The following ANKRD44 variants were observed in gnomAD, a reference collection of about 807,000 sequenced individuals.
The protein encoded by ANKRD44 is serine/threonine-protein phosphatase 6 regulatory ankyrin repeat subunit B.
A neutral mutation model predicts 116.0 loss-of-function variants in ANKRD44; 35 were observed. That is an observed-to-expected ratio of 0.30 (90% CI 0.23 to 0.40). ANKRD44 has a LOEUF of 0.40. Among genes scored for constraint, ANKRD44 ranks in the 10% least tolerant of loss-of-function variants. ANKRD44 has a pLI of 1.00. For synonymous variants in ANKRD44, 435 were observed against 461.8 expected (o/e 0.94, Z 0.74); for missense variants, 1,014 against 1,242.6 (o/e 0.82, Z 2.77).
At chr2:196,991,860 G>C (rs1415674197) in intron 27 of ANKRD44, among the ~76,000 whole-genome samples, 2 of 151,924 alleles carry the variant, frequency 1.3e-5, no homozygotes, top group Non-Finnish European at 2.9e-5. Context: ...CCAAAGTCCT[G>C]GGATTAAAGG....
intron 16 of ANKRD44, among the ~76,000 whole-genome samples, chr2:197,048,328 A>G (rs955063728): frequency 1.3e-5 from 2 of 152,052 alleles, no homozygotes; most frequent in African/African-American, 4.8e-5. Context: ...TCCTAATGCT[A>G]TCCCTCCCCC....
At chr2:197,283,085 A>G (rs907038645) in intron 1 of ANKRD44, among the ~76,000 whole-genome samples, 3 of 152,180 alleles carry the variant, frequency 2.0e-5, no homozygotes, top group African/African-American at 7.2e-5. Flanking sequence ...ATAGATATGT[A>G]TGTTTGTATA....
chr2:197,227,334 G>A lies in ANKRD44; in HGVS notation c.28-40228C>T, dbSNP rs146522149. On this transcript the variant is annotated intron_variant, in intron 1 of 27. Transcript: ENST00000282272. ...CTTTGCTTTCAGCAATAGCTGGACC[G>A]AGGACTGCAGAATTAGAGCAGGGAC... is the stretch of plus-strand genomic sequence containing the variant. Among the ~76,000 whole-genome samples, 645 of 152,338 alleles carry A rather than the reference G, an allele frequency of 4.2e-3. 2 individuals carry two copies. Among genetic ancestry groups the A allele is most frequent in the African/African-American group, 0.015 (617 of 41,582 alleles).
chr2:197,244,177 G>A (rs1297430393), intron 1 of ANKRD44, among the ~76,000 whole-genome samples: 1 of 152,208 alleles, frequency 6.6e-6, no homozygotes, highest in African/African-American at 2.4e-5. Context: ...GGAAGCAGCT[G>A]CTACTAAAGT....
chr2:197,256,913 C>A (rs1456142594), intron 1 of ANKRD44, among the ~76,000 whole-genome samples: 1 of 152,022 alleles, frequency 6.6e-6, no homozygotes, highest in Admixed American at 6.6e-5. Context: ...AGATCAAAGA[C>A]CAAGTCTATA....
chr2:197,053,245 C>T (rs1489088520), intron 16 of ANKRD44, among the ~76,000 whole-genome samples: 4 of 152,028 alleles, frequency 2.6e-5, no homozygotes, highest in Non-Finnish European at 2.9e-5. Flanking sequence ...CATCCATTTG[C>T]GTACACAAGA....
At chr2:197,177,690 T>G (rs1032053145) in intron 2 of ANKRD44, among the ~76,000 whole-genome samples, 11 of 152,000 alleles carry the variant, frequency 7.2e-5, no homozygotes, top group Admixed American at 2.0e-4. Context: ...CATAAAGAAA[T>G]AAAGAAAAAG....
chr2:197,223,427 A>G (rs1440973869), intron 1 of ANKRD44, among the ~76,000 whole-genome samples: 1 of 152,216 alleles, frequency 6.6e-6, no homozygotes, highest in Admixed American at 6.5e-5. Context: ...CACCTTTTCC[A>G]TTCAACATTA....
At chr2:197,052,638 A>T (rs2077130022) in intron 16 of ANKRD44, among the ~76,000 whole-genome samples, 1 of 152,146 alleles carries the variant, frequency 6.6e-6, no homozygotes, top group Non-Finnish European at 1.5e-5. Context: ...CAGGGTGTAT[A>T]TAGCTCTGCC....
intron 1 of ANKRD44, among the ~76,000 whole-genome samples, chr2:197,240,593 G>A (rs963773954): frequency 3.3e-5 from 5 of 151,074 alleles, no homozygotes; most frequent in African/African-American, 1.2e-4. Context: ...AAAATTGCTA[G>A]AGATGCTTCC....
chr2:197,112,745 A>G (rs1386049405), intron 8 of ANKRD44, among the ~76,000 whole-genome samples: 1 of 151,520 alleles, frequency 6.6e-6, no homozygotes, highest in Admixed American at 6.6e-5. Flanking sequence ...AGAAAAAAAA[A>G]GAAAGAAAGA....
intron 7 of ANKRD44, among the ~76,000 whole-genome samples, chr2:197,121,745 G>A (rs1008970049): frequency 6.6e-6 from 1 of 152,210 alleles, no homozygotes; most frequent in Non-Finnish European, 1.5e-5. Flanking sequence ...AGTCAATGTG[G>A]CAAAAAATGA....
chr2:196,967,073 T>C (rs2075677231), exon 22 of ANKRD44: 2 of 154,602 alleles, frequency 1.3e-5, no homozygotes, highest in Non-Finnish European at 2.9e-5. Flanking sequence ...TTACCAATGA[T>C]AGGAACACAA....
At chr2:197,273,673 CAGATTCCCGAGGCAGCTGCCAGCTGG>C (rs2082963974) in intron 1 of ANKRD44, among the ~76,000 whole-genome samples, 2 of 152,036 alleles carry the variant, frequency 1.3e-5, no homozygotes, top group Non-Finnish European at 2.9e-5. Flanking sequence ...GAGTACATAT[CAGATTCCCGAGGCAGCTGCCAGCTGG>C]CTGGTTCACC....
chr2:197,026,439 A>T (rs1314430411), intron 16 of ANKRD44, among the ~76,000 whole-genome samples: 1 of 152,150 alleles, frequency 6.6e-6, no homozygotes, highest in African/African-American at 2.4e-5. Flanking sequence ...CTCCAGGGAG[A>T]TGAGGGAGCC....
chr2:197,245,577 T>C (rs1460393547), intron 1 of ANKRD44, among the ~76,000 whole-genome samples: 2 of 152,178 alleles, frequency 1.3e-5, no homozygotes, highest in Non-Finnish European at 2.9e-5. Flanking sequence ...TTACCTTACA[T>C]AATAAAAAGG....
rs558116076 is a variant in ANKRD44 at position 197,136,674 on chromosome 2, C to A, written c.191-12G>T. 6.2e-7 allele frequency: 1 copy of A among 1,613,710 alleles called. No individual in the cohort carries two copies. Among genetic ancestry groups the A allele is most frequent in the African/African-American group, 1.3e-5 (1 of 74,890 alleles). ...ATTTACACGAGCTCCTGGAATCAAA[C>A]AGCACAAGTTAGAGGCATAATGGGG... On this transcript the variant is annotated splice_polypyrimidine_tract_variant and intron_variant, in intron 3 of 27. Coordinates refer to ENST00000282272, the MANE Select transcript of ANKRD44 (RefSeq NM_001195144.2).
intron 8 of ANKRD44, among the ~76,000 whole-genome samples, chr2:197,116,610 C>T (rs1263214378): frequency 6.6e-6 from 1 of 152,216 alleles, no homozygotes; most frequent in Non-Finnish European, 1.5e-5. Context: ...CTCCTTTTAT[C>T]ATCCCTTTCT....
rs114424709 is a variant in ANKRD44, at chr2:197,124,889, G to A, written c.550+492C>T. 2.2e-3 allele frequency among the ~76,000 whole-genome samples: 342 copies of A among 152,322 alleles called. 2 individuals carry two copies. Among genetic ancestry groups the A allele is most frequent in the African/African-American group, 7.6e-3 (316 of 41,580 alleles). On this transcript the variant is annotated intron_variant, in intron 6 of 27. Transcript: ENST00000282272. Reference sequence around the variant, plus strand: ...GAGGGCTGCAGGCTTCAGTTTTGTCGTCAGTGGACTATCAGGATAATCACC... The same window carrying A: ...GAGGGCTGCAGGCTTCAGTTTTGTCATCAGTGGACTATCAGGATAATCACC...
Sources: allele counts gnomAD v4.1 joint callset (sites outside exome capture counted in the v4.1 genomes callset), GRCh38; gene constraint gnomAD v4.1.1; transcripts MANE v1.5; gene names NCBI Gene and HGNC (gene_info 2026-07-23, HGNC 2026-07-21).